FRMD5: variants seen among roughly 807,000 people sequenced by gnomAD.
FRMD5 encodes FERM domain-containing protein 5.
A neutral mutation model predicts 69.0 loss-of-function variants in FRMD5; 20 were observed. That is an observed-to-expected ratio of 0.29 (90% confidence interval 0.20 to 0.42). The LOEUF is 0.42. Among genes scored for constraint, FRMD5 ranks in the 10% least tolerant of loss-of-function variants. FRMD5 has a pLI of 1.00. For synonymous variants in FRMD5, 271 were observed against 260.1 expected (o/e 1.04, Z -0.40); for missense variants, 595 against 708.6 (o/e 0.84, Z 1.82).
At chr15:43,888,514 A>G (rs1478317664) in intron 9 of FRMD5, among the ~76,000 whole-genome samples, 1 of 152,216 alleles carries the variant, frequency 6.6e-6, no homozygotes, top group African/African-American at 2.4e-5. Flanking sequence ...TTGGTGAGAA[A>G]GTTGCCCTTG....
intron 1 of FRMD5, among the ~76,000 whole-genome samples, chr15:44,045,367 T>C (rs1892381795): frequency 6.6e-6 from 1 of 152,186 alleles, no homozygotes; most frequent in Admixed American, 6.5e-5. Context: ...TTATGCTGTC[T>C]CTTTTCTAAC....
In FRMD5 at chr15:44,149,563, G is replaced by A. The variant is rs146711491; in HGVS notation, c.102+45390C>T. Among the ~76,000 whole-genome samples the A allele has an allele frequency of 7.2e-4, 109 of 152,176 alleles. 1 individual carries two copies. In the East Asian group the frequency reaches 0.015, roughly 20 times the overall value. ...CCAAAGACACAAGTAGGTTGAAAGC[G>A]AAAGGATGTAAAAATATATAGTCAC... is the stretch of plus-strand genomic sequence containing the variant. On this transcript the variant is annotated intron_variant, in intron 1 of 13. Coordinates refer to ENST00000417257, the MANE Select transcript of FRMD5 (RefSeq NM_032892.5).
intron 1 of FRMD5, among the ~76,000 whole-genome samples, chr15:44,062,328 G>A (rs74418858): frequency 6.6e-6 from 1 of 152,264 alleles, no homozygotes; most frequent in African/African-American, 2.4e-5. Context: ...GGACCACAGA[G>A]ATGTTACTTC....
intron 1 of FRMD5, among the ~76,000 whole-genome samples, chr15:44,183,204 A>G (rs990171749): frequency 3.9e-5 from 6 of 152,150 alleles, no homozygotes; most frequent in African/African-American, 1.4e-4. Context: ...TGATCCATGC[A>G]GTGAGAAAAG....
At chr15:43,902,315 CCT>C in intron 6 of FRMD5, 53 bp from the exon 7 acceptor site, 3 of 1,426,698 alleles carry the variant, frequency 2.1e-6, no homozygotes, top group Non-Finnish European at 3.0e-6. Flanking sequence ...CACAGGTTCC[CCT>C]GAGGTAAACT....
At chr15:43,985,801 C>G (rs574866984) in intron 1 of FRMD5, among the ~76,000 whole-genome samples, 1 of 152,222 alleles carries the variant, frequency 6.6e-6, no homozygotes, top group African/African-American at 2.4e-5. Flanking sequence ...TGGTCAGAAG[C>G]CAAGAGCATA....
chr15:43,881,968 T>C (rs937459940), intron 13 of FRMD5, among the ~76,000 whole-genome samples: 1 of 152,200 alleles, frequency 6.6e-6, no homozygotes, highest in Non-Finnish European at 1.5e-5. Context: ...CAAAGGGCTG[T>C]CCTGCCAGCT....
intron 13 of FRMD5, among the ~76,000 whole-genome samples, chr15:43,874,937 T>C (rs998266328): frequency 8.0e-5 from 12 of 150,250 alleles, no homozygotes; most frequent in Admixed American, 2.0e-4. Context: ...TGGTGCCTCA[T>C]GCCTGTAATC....
At chr15:43,965,575 T>C (rs2090279900) in intron 1 of FRMD5, among the ~76,000 whole-genome samples, 1 of 144,332 alleles carries the variant, frequency 6.9e-6, no homozygotes, top group African/African-American at 2.6e-5. Context: ...TTTTAAAAAG[T>C]CTTTTTTTTT....
At chr15:43,900,135 G>T (rs923197440) in intron 7 of FRMD5, among the ~76,000 whole-genome samples, 1 of 152,128 alleles carries the variant, frequency 6.6e-6, no homozygotes, top group African/African-American at 2.4e-5. Flanking sequence ...AGCAGTTCAG[G>T]GAGCAGTTAT....
At chr15:44,072,765 C>T (rs976688062) in intron 1 of FRMD5, among the ~76,000 whole-genome samples, 5 of 152,084 alleles carry the variant, frequency 3.3e-5, no homozygotes, top group African/African-American at 1.2e-4. Flanking sequence ...ATAAAATTGT[C>T]CCAAATTTGC....
At chr15:43,910,865 G>A (rs1274596528) in intron 4 of FRMD5, among the ~76,000 whole-genome samples, 1 of 152,210 alleles carries the variant, frequency 6.6e-6, no homozygotes, top group East Asian at 1.9e-4. Context: ...AGAAGCTGAG[G>A]CTTTAGTGAT....
chr15:44,187,656 C>T (rs952615906), intron 1 of FRMD5, among the ~76,000 whole-genome samples: 1 of 151,500 alleles, frequency 6.6e-6, no homozygotes. Context: ...TAACCTCAAA[C>T]TCCTGGGCTT....
At chr15:43,978,230 G>A (rs1036685988) in intron 1 of FRMD5, among the ~76,000 whole-genome samples, 12 of 152,098 alleles carry the variant, frequency 7.9e-5, no homozygotes, top group African/African-American at 2.4e-4. Flanking sequence ...AATATCATTA[G>A]TCATTAGCAA....
chr15:44,011,221 T>TTCCG (rs1566897123), intron 1 of FRMD5, among the ~76,000 whole-genome samples: 1 of 152,182 alleles, frequency 6.6e-6, no homozygotes, highest in Non-Finnish European at 1.5e-5. Context: ...TCTTCCTTCC[T>TTCCG]AATACTTTAC....
intron 1 of FRMD5, among the ~76,000 whole-genome samples, chr15:44,148,493 T>A (rs569681220): frequency 6.6e-6 from 1 of 152,082 alleles, no homozygotes; most frequent in African/African-American, 2.4e-5. Context: ...GGATGGTCTC[T>A]ATCTCCTGAC....
At chr15:43,967,942 G>C (rs1379001185) in intron 1 of FRMD5, among the ~76,000 whole-genome samples, 1 of 150,636 alleles carries the variant, frequency 6.6e-6, no homozygotes, top group Non-Finnish European at 1.5e-5. Context: ...GACAGGCCCT[G>C]GTGTGTGATG....
intron 1 of FRMD5, among the ~76,000 whole-genome samples, chr15:43,935,723 T>A (rs957038674): frequency 9.9e-5 from 15 of 152,176 alleles, no homozygotes; most frequent in Admixed American, 1.3e-4. Flanking sequence ...GCAGGAACCT[T>A]GAGCCCAGCG....
chr15:44,123,349 A>AT (rs1391380834), intron 1 of FRMD5, among the ~76,000 whole-genome samples: 1 of 151,654 alleles, frequency 6.6e-6, no homozygotes, highest in Non-Finnish European at 1.5e-5. Context: ...CATCTCAAAA[A>AT]AAAAAAGTGA....
Sources: gnomAD v4.1 joint callset for allele counts (sites outside exome capture counted in the v4.1 genomes callset) on GRCh38, gnomAD v4.1.1 for gene constraint, MANE v1.5 for transcripts, NCBI Gene and HGNC (gene_info 2026-07-23, HGNC 2026-07-21) for gene names.